Variants in RNF212 observed in about 807,000 individuals in gnomAD.
RNF212 encodes the protein probable E3 SUMO-protein ligase RNF212.
In RNF212, 33 loss-of-function variants were observed where a neutral mutation model predicts 34.7. The ratio of observed to expected loss-of-function variants is 0.95; its 90% CI spans 0.72 to 1.27. RNF212 has a LOEUF of 1.27. Ranked by LOEUF, RNF212 falls within the 50% of genes most tolerant of loss-of-function variation. RNF212 has a pLI of 0.00. For synonymous variants in RNF212, 140 were observed against 136.1 expected, an observed-to-expected ratio of 1.03 and a Z score of -0.20; for missense variants, 377 against 362.2, an observed-to-expected ratio of 1.04 and a Z score of -0.33.
chr4:1,078,923 G>GGGACCAACATA (rs1719814028), intron 8 of RNF212, among the ~76,000 whole-genome samples: 1 of 101,584 alleles, frequency 9.8e-6, no homozygotes, highest in African/African-American at 4.6e-5. Context: ...GGACCAACAC[G>GGGACCAACATA]GGACCAACAC....
chr4:1,059,594 G>A (rs1336804595), intron 3 of RNF212, among the ~76,000 whole-genome samples: 1 of 152,224 alleles, frequency 6.6e-6, no homozygotes, highest in African/African-American at 2.4e-5. Context: ...CCACAACCAA[G>A]GTGCTAGGTC....
chr4:1,072,641 G>T lies in RNF212; in HGVS notation c.*233C>A, dbSNP rs548314796. 8 of 1,107,774 alleles carry T rather than the reference G, an allele frequency of 7.2e-6. No homozygotes were observed. The African/African-American group carries it at 8.1e-5, about 11-fold the overall frequency. 68.6% of individuals were successfully genotyped at this position (1,107,774 alleles called of 1,614,324 possible). On this transcript the variant is annotated 3_prime_UTR_variant, in exon 10 of 10. Coordinates refer to ENST00000433731, the MANE Select transcript of RNF212 (RefSeq NM_001131034.4). ...TGAAAAAAAAACTCCCTAAGCATGA[G>T]AACCTATAAAATAAAAGGGATAATA...
intron 2 of RNF212, among the ~76,000 whole-genome samples, chr4:1,104,472 C>T (rs190833204): frequency 2.1e-3 from 327 of 152,300 alleles, no homozygotes; most frequent in Non-Finnish European, 3.2e-3. Flanking sequence ...GGAGGGCTGT[C>T]CAGGAGGCTG....
Position 1,079,010 on chromosome 4 carries a change from C to CAGGGTCAACACAGGACCAACAT in RNF212, c.510+611_510+632dup, listed in dbSNP as rs1560109637. 6.7e-5 allele frequency among the ~76,000 whole-genome samples: 7 copies of CAGGGTCAACACAGGACCAACAT among 104,090 alleles called. 1 individual carries two copies. Among genetic ancestry groups the CAGGGTCAACACAGGACCAACAT allele is most frequent in the African/African-American group, 3.6e-4 (5 of 13,790 alleles). 68.3% of individuals were successfully genotyped at this position (104,090 alleles called of 152,430 possible). On this transcript the variant is annotated intron_variant, in intron 8 of 9. Coordinates refer to ENST00000433731, the MANE Select transcript of RNF212 (RefSeq NM_001131034.4). ...ACACAGGACCAACATAGGACCAACA[C>CAGGGTCAACACAGGACCAACAT]AGGGTCAACACAGGACCAACATGGG...
intron 2 of RNF212, chr4:1,100,232 T>C (rs1271006648): frequency 3.5e-5 from 10 of 284,494 alleles, no homozygotes; most frequent in South Asian, 2.1e-4. Context: ...TCTTGTTTTG[T>C]GTTCCTGTCA....
intron 8 of RNF212, among the ~76,000 whole-genome samples, chr4:1,075,283 C>A (rs1719097970): frequency 1.3e-5 from 2 of 152,164 alleles, no homozygotes; most frequent in South Asian, 4.1e-4. Flanking sequence ...TTAGGCCATT[C>A]TTGCACTGCG....
intron 4 of RNF212, among the ~76,000 whole-genome samples, chr4:1,086,569 G>T (rs1308680629): frequency 2.3e-5 from 2 of 88,326 alleles, no homozygotes; most frequent in Non-Finnish European, 4.4e-5. Context: ...CCTAGGAGGG[G>T]TAGGGGAAAG....
intron 3 of RNF212, chr4:1,093,404 A>G (rs890833439): frequency 7.1e-7 from 1 of 1,411,536 alleles, no homozygotes; most frequent in Non-Finnish European, 9.2e-7. Flanking sequence ...TGTTACGTTG[A>G]TATTAGAGCA....
At chr4:1,063,290 C>T (rs1264161333) in intron 3 of RNF212, among the ~76,000 whole-genome samples, 1 of 152,196 alleles carries the variant, frequency 6.6e-6, no homozygotes, top group African/African-American at 2.4e-5. Context: ...ACTCACACTT[C>T]ATAATTTCAA....
At chr4:1,110,683 C>A (rs1725520126) in intron 1 of RNF212, among the ~76,000 whole-genome samples, 2 of 152,152 alleles carry the variant, frequency 1.3e-5, no homozygotes. Context: ...AAATCTGCAT[C>A]TATAGGAAAT....
At chr4:1,065,771 GA>G (rs1718054824) in intron 3 of RNF212, among the ~76,000 whole-genome samples, 1 of 151,790 alleles carries the variant, frequency 6.6e-6, no homozygotes, top group African/African-American at 2.4e-5. Context: ...ATTTTTAGTA[GA>G]AACAGGTTTC....
At chr4:1,081,876 A>G in intron 5 of RNF212, 1 of 480,636 alleles carries the variant, frequency 2.1e-6, no homozygotes, top group Non-Finnish European at 3.8e-6. Context: ...TGCAACTGTC[A>G]CTCAGCACAT....
At chr4:1,077,160 G>A (rs371629343) in intron 8 of RNF212, among the ~76,000 whole-genome samples, 1 of 152,102 alleles carries the variant, frequency 6.6e-6, no homozygotes, top group Non-Finnish European at 1.5e-5. Context: ...CCCGGGAGGC[G>A]GAGGTTGCAG....
chr4:1,080,865 T>C (rs1018041431), intron 7 of RNF212, among the ~76,000 whole-genome samples: 1 of 152,238 alleles, frequency 6.6e-6, no homozygotes, highest in Non-Finnish European at 1.5e-5. Context: ...CAGGCCGGGT[T>C]TTCTCTGGGA....
chr4:1,088,091 G>A (rs753108043), intron 4 of RNF212, among the ~76,000 whole-genome samples: 2 of 152,190 alleles, frequency 1.3e-5, no homozygotes, highest in Non-Finnish European at 2.9e-5. Context: ...GTAATGGGCA[G>A]AAGTTGGAAC....
intron 2 of RNF212, among the ~76,000 whole-genome samples, chr4:1,107,516 C>T (rs897741276): frequency 1.4e-4 from 21 of 150,536 alleles, no homozygotes; most frequent in East Asian, 3.9e-4. Flanking sequence ...AGTGCAGTGG[C>T]GCCATCTCAC....
chr4:1,108,307 G>A (rs1725130952), intron 2 of RNF212, 36 bp downstream of exon 2: 4 of 1,330,526 alleles, frequency 3.0e-6, no homozygotes, highest in Non-Finnish European at 4.1e-6. Flanking sequence ...AAATATGACT[G>A]TGATTAAGAT....
At chr4:1,107,503 T>A (rs1336449670) in intron 2 of RNF212, among the ~76,000 whole-genome samples, 3 of 151,520 alleles carry the variant, frequency 2.0e-5, no homozygotes, top group Non-Finnish European at 4.4e-5. Context: ...TCACCCAGGC[T>A]GGAGTGCAGT....
In RNF212 at chr4:1,085,887, G is replaced by A; in HGVS notation, c.362+9C>T. The A allele has an allele frequency of 1.2e-6, 2 of 1,607,398 alleles. No homozygotes were observed. The highest frequency in any genetic ancestry group is 1.1e-5 in the South Asian group (1 of 90,966). On this transcript the variant is annotated intron_variant, in intron 5 of 9. Transcript: ENST00000433731. The stretch of plus-strand genomic sequence containing the variant: ...CGACTGCGCACTCACGGGGGGTGGG[G>A]CGCCTTACCTTTGTAGTTGTTCTAT...
Sources: allele counts gnomAD v4.1 joint callset (sites outside exome capture counted in the v4.1 genomes callset), GRCh38; gene constraint gnomAD v4.1.1; transcripts MANE v1.5; gene names NCBI Gene and HGNC (gene_info 2026-07-23, HGNC 2026-07-21).